The following MCC variants were observed in gnomAD, a reference collection of about 807,000 sequenced individuals.
The protein encoded by MCC is colorectal mutant cancer protein.
Under a neutral mutation model 116.2 loss-of-function variants are expected in MCC, and 90 were observed. The observed-to-expected ratio is 0.77, with a 90% CI of 0.65 to 0.92. The LOEUF (loss-of-function observed/expected upper bound fraction) is 0.92, where lower values mean the gene tolerates loss of function less well. Among genes scored for constraint, MCC ranks in the 40% least tolerant of loss-of-function variants. The probability of loss-of-function intolerance (pLI) is 0.00; values close to 1 mark genes in which losing one functional copy is unlikely to be tolerated. For synonymous variants in MCC, 578 were observed against 510.5 expected, an observed-to-expected ratio of 1.13 and a Z score of -1.78; for missense variants, 1,516 against 1,312.2, an observed-to-expected ratio of 1.16 and a Z score of -2.40.
In MCC at chr5:113,120,413, C is replaced by G. The variant is rs115802887; in HGVS notation, c.1027+2271G>C. Among the ~76,000 whole-genome samples the G allele has an allele frequency of 5.1e-3, 780 of 152,286 alleles. 5 individuals are homozygous for G. Among genetic ancestry groups the G allele is most frequent in the African/African-American group, 0.018 (748 of 41,550 alleles). ...TGTACCAACATACAGCTCTCAATGG[C>G]TTTGATGTATTTTATTTGGCCTTAG... is the stretch of plus-strand genomic sequence containing the variant. On this transcript the variant is annotated intron_variant, in intron 6 of 18. Coordinates refer to ENST00000408903, the MANE Select transcript of MCC (RefSeq NM_001085377.2).
intron 13 of MCC, 59 bp from the exon 14 acceptor site, chr5:113,064,226 G>A: frequency 2.0e-6 from 3 of 1,480,786 alleles, no homozygotes; most frequent in Non-Finnish European, 2.8e-6. Context: ...GCACGCCTGG[G>A]AGGGACTATG....
At chr5:113,091,120 C>G (rs1031616498) in intron 8 of MCC, among the ~76,000 whole-genome samples, 4 of 152,248 alleles carry the variant, frequency 2.6e-5, no homozygotes, top group Non-Finnish European at 5.9e-5. Context: ...CAGAAGGAAT[C>G]CTGAGGCTGT....
At chr5:113,483,365 G>A (rs909411445) in intron 1 of MCC, among the ~76,000 whole-genome samples, 2 of 152,102 alleles carry the variant, frequency 1.3e-5, no homozygotes, top group African/African-American at 4.8e-5. Context: ...GGGAAGTATT[G>A]CCATCTTAAC....
intron 1 of MCC, among the ~76,000 whole-genome samples, chr5:113,472,357 G>A (rs1057148735): frequency 2.6e-5 from 4 of 152,176 alleles, no homozygotes; most frequent in Admixed American, 2.6e-4. Context: ...CCCCTGAATA[G>A]AATAATATTC....
chr5:113,193,870 T>C (rs1441345618), intron 3 of MCC, among the ~76,000 whole-genome samples: 2 of 152,058 alleles, frequency 1.3e-5, no homozygotes, highest in Admixed American at 1.3e-4. Flanking sequence ...ATTTGTTTTT[T>C]TTCTAAGGAA....
intron 6 of MCC, among the ~76,000 whole-genome samples, chr5:113,120,092 C>T (rs186188628): frequency 6.6e-5 from 10 of 152,114 alleles, no homozygotes; most frequent in African/African-American, 1.9e-4. Context: ...AAGTGAATGG[C>T]GGGATCAGTA....
intron 9 of MCC, 132 bp downstream of exon 9, chr5:113,085,032 G>T: frequency 8.0e-7 from 1 of 1,244,084 alleles, no homozygotes; most frequent in Non-Finnish European, 1.2e-6. Flanking sequence ...TAGAAGGCCT[G>T]CGTAAGGTCC....
At chr5:113,276,773 C>T (rs1765840581) in intron 3 of MCC, among the ~76,000 whole-genome samples, 1 of 151,298 alleles carries the variant, frequency 6.6e-6, no homozygotes, top group Non-Finnish European at 1.5e-5. Flanking sequence ...CCTATGTGTA[C>T]TCGTCACCAC....
At chr5:113,340,239 GGAAGAGCT>G (rs1441692428) in intron 3 of MCC, among the ~76,000 whole-genome samples, 1 of 152,210 alleles carries the variant, frequency 6.6e-6, no homozygotes, top group Non-Finnish European at 1.5e-5. Context: ...GTCTAGTTAT[GGAAGAGCT>G]GTTGTGCATC....
At chr5:113,320,506 C>G (rs1179674596) in intron 3 of MCC, among the ~76,000 whole-genome samples, 6 of 148,708 alleles carry the variant, frequency 4.0e-5, no homozygotes, top group African/African-American at 1.0e-4. Flanking sequence ...ACAGTATTAA[C>G]TGGCAAAGCA....
chr5:113,182,611 G>A (rs537898741), intron 3 of MCC, among the ~76,000 whole-genome samples: 11 of 152,078 alleles, frequency 7.2e-5, no homozygotes, highest in Admixed American at 5.2e-4. Context: ...AAAAAAAAGA[G>A]CAAGCCTTCA....
At chr5:113,469,223 A>C (rs1772007487) in intron 1 of MCC, among the ~76,000 whole-genome samples, 1 of 152,078 alleles carries the variant, frequency 6.6e-6, no homozygotes, top group South Asian at 2.1e-4. Flanking sequence ...GCCTTATGCT[A>C]GCTTTTGAAT....
At chr5:113,094,358 C>G (rs1170236760) in intron 8 of MCC, among the ~76,000 whole-genome samples, 1 of 150,562 alleles carries the variant, frequency 6.6e-6, no homozygotes, top group Non-Finnish European at 1.5e-5. Context: ...TTATAGCCCA[C>G]TAAAGTACCT....
chr5:113,357,827 C>T (rs1768451446), intron 2 of MCC, among the ~76,000 whole-genome samples: 2 of 152,196 alleles, frequency 1.3e-5, no homozygotes, highest in African/African-American at 4.8e-5. Flanking sequence ...AAAGGGAAGA[C>T]TCAGGGGAGA....
intron 3 of MCC, among the ~76,000 whole-genome samples, chr5:113,327,561 A>AAAAAAAAATATATAT (rs1480996383): frequency 1.2e-5 from 1 of 80,584 alleles, no homozygotes; most frequent in African/African-American, 5.0e-5. Flanking sequence ...AAAAAAAAAA[A>AAAAAAAAATATATAT]ATATATATAT....
At chr5:113,027,886 C>T (rs547221554) in intron 18 of MCC, among the ~76,000 whole-genome samples, 37 of 152,354 alleles carry the variant, frequency 2.4e-4, no homozygotes, top group African/African-American at 8.7e-4. Flanking sequence ...GCACTGCAAT[C>T]AAAGTGACCA....
At chr5:113,111,385 GAGAC>G (rs1299020546) in intron 6 of MCC, among the ~76,000 whole-genome samples, 1 of 152,146 alleles carries the variant, frequency 6.6e-6, no homozygotes, top group Non-Finnish European at 1.5e-5. Context: ...CAGTCAGAGA[GAGAC>G]AGAGACAGAG....
At chr5:113,172,416 G>C (rs1761118735) in intron 3 of MCC, among the ~76,000 whole-genome samples, 1 of 152,134 alleles carries the variant, frequency 6.6e-6, no homozygotes, top group African/African-American at 2.4e-5. Context: ...CACTGTACTT[G>C]GTCAGCCTCA....
Position 113,131,164 on chromosome 5 carries a change from G to A in MCC, c.885-8338C>T, listed in dbSNP as rs1292846519. On this transcript the variant is annotated intron_variant, in intron 5 of 18. Coordinates refer to ENST00000408903, the MANE Select transcript of MCC (RefSeq NM_001085377.2). Reference sequence around the variant, plus strand: ...CAACTCATGAGACTTGGTAGTGAGAGGCTGATGTTATGAGAGTAGCTTATA... The same window carrying A: ...CAACTCATGAGACTTGGTAGTGAGAAGCTGATGTTATGAGAGTAGCTTATA... Among the ~76,000 whole-genome samples the A allele has an allele frequency of 8.5e-5, 13 of 152,376 alleles. No homozygotes were observed. In the South Asian group the frequency reaches 2.7e-3, roughly 32 times the overall value.
Sources: allele counts gnomAD v4.1 joint callset (sites outside exome capture counted in the v4.1 genomes callset), GRCh38; gene constraint gnomAD v4.1.1; transcripts MANE v1.5; gene names NCBI Gene and HGNC (gene_info 2026-07-23, HGNC 2026-07-21).